The following LIPE variants were observed in gnomAD, a reference collection of about 807,000 sequenced individuals.
LIPE encodes the protein lipase E, hormone sensitive type.
Under a neutral mutation model 88.5 loss-of-function variants are expected in LIPE, and 66 were observed. That is an observed-to-expected ratio of 0.75 (90% CI 0.61 to 0.91). The LOEUF (loss-of-function observed/expected upper bound fraction) is 0.91. Among genes scored for constraint, LIPE ranks in the 40% least tolerant of loss-of-function variants. The pLI is 0.00. For synonymous variants in LIPE, 570 were observed against 617.5 expected (o/e 0.92, Z 1.14); for missense variants, 1,346 against 1,434.7 (o/e 0.94, Z 1.00).
In LIPE at chr19:42,401,578, T is replaced by C. The variant is rs2039970084; in HGVS notation, c.*234A>G. ...GCAAGGGAGGGCCAGTCCCCGTCCCTGCGGCGGTCGCCGCAGCAGCAGCAG... is the reference window on the plus strand; with the variant it reads ...GCAAGGGAGGGCCAGTCCCCGTCCCCGCGGCGGTCGCCGCAGCAGCAGCAG... On this transcript the variant is annotated 3_prime_UTR_variant, in exon 10 of 10. Transcript: ENST00000244289. The C allele has an allele frequency of 4.0e-6, 2 of 504,722 alleles. No individual in the cohort carries two copies. Among genetic ancestry groups the C allele is most frequent in the Non-Finnish European group, 6.9e-6 (2 of 288,370 alleles). The allele number at this position is 504,722 out of a possible 1,614,324, so 31.3% of individuals were successfully genotyped here.
rs1486135615 is a variant in LIPE, at chr19:42,411,932, C to T, written c.884-1090G>A. ...AAATCTCTATTATTGCCAGCATCCC[C>T]ATTTTACAGGAGAGGAAACTGAGGC... On this transcript the variant is annotated intron_variant, in intron 1 of 9. Coordinates refer to ENST00000244289, the MANE Select transcript of LIPE (RefSeq NM_005357.4). 2.0e-5 allele frequency among the ~76,000 whole-genome samples: 3 copies of T among 152,220 alleles called. No homozygotes were observed. The East Asian group carries it at 5.8e-4, about 29-fold the overall frequency.
rs1303971844 is a variant in LIPE at position 42,401,787 on chromosome 19, C to A, written c.*25G>T. The A allele has an allele frequency of 2.4e-5, 34 of 1,431,530 alleles. No individual in the cohort carries two copies. The highest frequency in any genetic ancestry group is 3.1e-5 in the Non-Finnish European group (34 of 1,091,308). 88.7% of individuals were successfully genotyped at this position (1,431,530 alleles called of 1,614,324 possible). The stretch of plus-strand genomic sequence containing the variant: ...CCCGGAAGGCATTCATGACGGAGGC[C>A]GGCGCAGATGGGAACAACAGGCTTT... On this transcript the variant is annotated 3_prime_UTR_variant, in exon 10 of 10. Coordinates refer to ENST00000244289, the MANE Select transcript of LIPE (RefSeq NM_005357.4).
chr19:42,409,662 A>AG (rs2040310512), intron 2 of LIPE, among the ~76,000 whole-genome samples: 1 of 152,208 alleles, frequency 6.6e-6, no homozygotes, highest in African/African-American at 2.4e-5. Context: ...AGTAGGCCAG[A>AG]GGGCACCTGA....
In LIPE at chr19:42,414,565, A is replaced by G. The variant is rs1003412271; in HGVS notation, c.884-3723T>C. 5.3e-5 allele frequency among the ~76,000 whole-genome samples: 8 copies of G among 152,328 alleles called. No homozygotes were observed. The East Asian group carries it at 1.5e-3, about 29-fold the overall frequency. On this transcript the variant is annotated intron_variant, in intron 1 of 9. Coordinates refer to ENST00000244289, the MANE Select transcript of LIPE (RefSeq NM_005357.4). This position sits in a 1 kb window ranked among gnomAD's most constrained non-coding sequence, Gnocchi z 4.6. The stretch of plus-strand genomic sequence containing the variant: ...CACTTGTCACCATCTAGCATACTAT[A>G]CAGTTTACTACAGGAATACCTTGCT...
intron 1 of LIPE, chr19:42,424,090 TGGA>T: frequency 8.4e-7 from 1 of 1,189,402 alleles, no homozygotes; most frequent in African/African-American, 1.6e-5. Context: ...TGAGAGCCGT[TGGA>T]GGAGGGAGCC....
intron 1 of LIPE, among the ~76,000 whole-genome samples, chr19:42,419,419 C>T (rs963910422): frequency 2.6e-5 from 4 of 152,190 alleles, no homozygotes; most frequent in Admixed American, 6.5e-5. Flanking sequence ...CTGTTCCAGG[C>T]GGCTCCCCGA....
chr19:42,423,372 G>A (rs1362726397), intron 1 of LIPE: 1 of 1,265,834 alleles, frequency 7.9e-7, no homozygotes, highest in African/African-American at 1.5e-5. Flanking sequence ...TGCCCCGTAG[G>A]ATGTACGAGG....
At position 42,406,508 on chromosome 19, in the gene LIPE, A is replaced by G; in HGVS notation, c.2138-120T>C. 1 of 771,672 alleles carries G rather than the reference A, an allele frequency of 1.3e-6. No individual in the cohort carries two copies. Among genetic ancestry groups the G allele is most frequent in the African/African-American group, 1.7e-5 (1 of 58,240 alleles). The allele number at this position is 771,672 out of a possible 1,614,324, so 47.8% of individuals were successfully genotyped here. ...TCCAAGGTGGGGTGTGGGGCACTCC[A>G]AGGCCTAGCAGACTGCAGTTTTAGA... On this transcript the variant is annotated intron_variant, in intron 6 of 9. Coordinates refer to ENST00000244289, the MANE Select transcript of LIPE (RefSeq NM_005357.4). This position sits in a 1 kb window ranked among gnomAD's most constrained non-coding sequence, Gnocchi z 5.7.
chr19:42,418,027 G>C (rs1418316110), intron 1 of LIPE, among the ~76,000 whole-genome samples: 7 of 151,114 alleles, frequency 4.6e-5, no homozygotes, highest in Admixed American at 1.3e-4. Flanking sequence ...TTGTTGCCCA[G>C]GCTGGAGTGC....
In LIPE at chr19:42,427,323, G is replaced by A; in HGVS notation, c.-174C>T. ...TTTTTAAGGCAGCTGGCAGTTGGCC[G>A]ATCACAGCTGGCCCCCACTAAGTAA... On this transcript the variant is annotated 5_prime_UTR_variant, in exon 1 of 10. Coordinates refer to ENST00000244289, the MANE Select transcript of LIPE (RefSeq NM_005357.4). The A allele has an allele frequency of 3.2e-6, 4 of 1,256,728 alleles. No individual in the cohort carries two copies. Among genetic ancestry groups the A allele is most frequent in the East Asian group, 2.6e-5 (1 of 38,346 alleles). The allele number at this position is 1,256,728 out of a possible 1,614,324, so 77.8% of individuals were successfully genotyped here.
intron 1 of LIPE, among the ~76,000 whole-genome samples, chr19:42,416,999 C>T (rs2040500808): frequency 6.6e-6 from 1 of 152,244 alleles, no homozygotes; most frequent in Non-Finnish European, 1.5e-5. Flanking sequence ...CAGCTCACTG[C>T]AAGCTCCGCC....
At chr19:42,405,729 GGA>G in intron 7 of LIPE, 168 bp from the exon 8 acceptor site, 1 of 654,090 alleles carries the variant, frequency 1.5e-6, no homozygotes, top group East Asian at 2.8e-5. Flanking sequence ...CAGTACTTTG[GGA>G]GGCCAAGGCG....
Position 42,410,905 on chromosome 19 carries a change from AG to A in LIPE, c.884-64del. ...ATCAAGCCTTGCTTAGCTGGGGCCC[AG>A]GAGTCTGGGCCATAGCTTACCCACT... On this transcript the variant is annotated intron_variant, in intron 1 of 9. Transcript: ENST00000244289. This position sits in a 1 kb window ranked among gnomAD's most constrained non-coding sequence, Gnocchi z 6.1. The A allele has an allele frequency of 6.8e-7, 1 of 1,466,944 alleles. No individual in the cohort carries two copies. Among genetic ancestry groups the A allele is most frequent in the African/African-American group, 1.4e-5 (1 of 71,016 alleles). 90.9% of individuals were successfully genotyped at this position (1,466,944 alleles called of 1,614,324 possible). A position where few individuals can be genotyped will look rare whatever the true frequency, so the allele number is the denominator to read the frequency against.
At position 42,410,776 on chromosome 19, in the gene LIPE, T is replaced by C. The variant is rs553533712; in HGVS notation, c.950A>G (p.Asp317Gly). 4.4e-6 allele frequency: 7 copies of C among 1,607,862 alleles called. 1 individual carries two copies. In the South Asian group the frequency reaches 7.7e-5, roughly 18 times the overall value. ...CTGGCTCGAGAAGAAGGCTATGTTG[T>C]CCTCCGCCAGAGTCACCAGCGACTG... ...MTQSLVTLAEDNIAFFSSQGP... is the reference protein window; with the variant it reads ...MTQSLVTLAEGNIAFFSSQGP... Residue 317 changes from aspartate to glycine, a missense_variant, in exon 2 of 10, where the codon GAC (aspartate) becomes GGC (glycine). By Grantham distance (94) the Asp-to-Gly change is moderately conservative. Transcript: ENST00000244289. The surrounding 1 kb of genome is among the most constrained non-coding windows in gnomAD (Gnocchi z 6.1).
chr19:42,405,955 C>G lies in LIPE; in HGVS notation c.2365+206G>C, dbSNP rs2040157382. On this transcript the variant is annotated intron_variant, in intron 7 of 9. Coordinates refer to ENST00000244289, the MANE Select transcript of LIPE (RefSeq NM_005357.4). Reference sequence around the variant, plus strand: ...GCCTGAGCGACATGACACCTTGTGTCTGTCTGTCTCTCTCTCTCTCTCACA... The same window carrying G: ...GCCTGAGCGACATGACACCTTGTGTGTGTCTGTCTCTCTCTCTCTCTCACA... 14 of 581,056 alleles carry G rather than the reference C, an allele frequency of 2.4e-5. No homozygotes were observed. In the South Asian group the frequency reaches 3.0e-4, roughly 12 times the overall value. The allele number at this position is 581,056 out of a possible 1,614,324, so 36.0% of individuals were successfully genotyped here. A position where few individuals can be genotyped will look rare whatever the true frequency, so the allele number is the denominator to read the frequency against.
intron 8 of LIPE, among the ~76,000 whole-genome samples, chr19:42,404,069 T>C (rs1408868008): frequency 2.0e-5 from 3 of 150,766 alleles, no homozygotes; most frequent in African/African-American, 7.3e-5. Context: ...TTTTTACTTT[T>C]TTTTTTTTTT....
intron 1 of LIPE, among the ~76,000 whole-genome samples, chr19:42,420,182 G>C (rs1170302907): frequency 6.6e-6 from 1 of 152,044 alleles, no homozygotes; most frequent in Non-Finnish European, 1.5e-5. Flanking sequence ...GGGGTCACAC[G>C]GCCAGCAGGG....
At position 42,410,661 on chromosome 19, in the gene LIPE, C is replaced by G. The variant is rs948037785; in HGVS notation, c.1065G>C (p.Leu355=). The G allele has an allele frequency of 6.2e-6, 10 of 1,612,070 alleles. No homozygotes were observed. In the African/African-American group the frequency reaches 1.1e-4, roughly 17 times the overall value. ...ALGLEPALGR[L]LGVAHLFDLD... ...GGTCAAAGAGGTGCGCCACACCCAG[C>G]AGGCGGCCCAGGGCCGGCTCCAGCC... Residue 355 remains leucine, a synonymous_variant, in exon 2 of 10, where the codon CTG becomes CTC. Transcript: ENST00000244289. This position sits in a 1 kb window ranked among gnomAD's most constrained non-coding sequence, Gnocchi z 6.1.
chr19:42,412,646 C>T, intron 1 of LIPE: 1 of 847,234 alleles, frequency 1.2e-6, no homozygotes, highest in Non-Finnish European at 1.4e-6. Flanking sequence ...ACACCCACAG[C>T]CCCTCCTCCC....
Sources: gnomAD v4.1 joint callset for allele counts (sites outside exome capture counted in the v4.1 genomes callset) on GRCh38, gnomAD v4.1.1 for gene constraint, Gnocchi (gnomAD v3.1) non-coding constraint, MANE v1.5 for transcripts, NCBI Gene and HGNC (gene_info 2026-07-23, HGNC 2026-07-21) for gene names.